DAB1: variants seen among roughly 807,000 people sequenced by gnomAD.
The protein encoded by DAB1 is disabled homolog 1.
A neutral mutation model predicts 64.6 loss-of-function variants in DAB1; 15 were observed. The observed-to-expected ratio is 0.23, with a 90% confidence interval of 0.16 to 0.36. DAB1 has a LOEUF of 0.36. DAB1 is among the 10% of genes least tolerant of loss of function. The pLI, the probability that DAB1 is intolerant of heterozygous loss-of-function variation, is 1.00. For synonymous variants in DAB1, 235 were observed against 251.9 expected (o/e 0.93, Z 0.64); for missense variants, 596 against 706.7 (o/e 0.84, Z 1.78).
intron 4 of DAB1, among the ~76,000 whole-genome samples, chr1:57,106,475 C>T (rs965835036): frequency 6.6e-6 from 1 of 152,132 alleles, no homozygotes; most frequent in Non-Finnish European, 1.5e-5. Context: ...AAGCATAACC[C>T]ATCTTTGATG....
chr1:58,515,166 C>A (rs1411203272), intron 2 of DAB1, among the ~76,000 whole-genome samples: 1 of 152,150 alleles, frequency 6.6e-6, no homozygotes, highest in Non-Finnish European at 1.5e-5. Context: ...CACTTATTCT[C>A]TAAACAACAT....
intron 7 of DAB1, among the ~76,000 whole-genome samples, chr1:57,477,345 G>A (rs1643951438): frequency 6.6e-6 from 1 of 152,126 alleles, no homozygotes; most frequent in African/African-American, 2.4e-5. Context: ...AGTGTACTCT[G>A]ATCTGTTCTA....
At chr1:57,695,377 A>AAAGAAAGGAAAG in intron 6 of DAB1, among the ~76,000 whole-genome samples, 1 of 67,032 alleles carries the variant, frequency 1.5e-5, no homozygotes, top group South Asian at 6.9e-4. Context: ...AGAAAGAAAG[A>AAAGAAAGGAAAG]AAGAAAGAAA....
intron 7 of DAB1, among the ~76,000 whole-genome samples, chr1:57,486,234 A>G (rs1443965073): frequency 6.6e-6 from 1 of 152,204 alleles, no homozygotes; most frequent in Non-Finnish European, 1.5e-5. Flanking sequence ...TGGGACATCG[A>G]TATTGCCCAA....
intron 9 of DAB1, among the ~76,000 whole-genome samples, chr1:57,060,807 C>T (rs1650310440): frequency 6.6e-6 from 1 of 151,390 alleles, no homozygotes; most frequent in East Asian, 1.9e-4. Context: ...GACCTTCAGG[C>T]AGCCCACCTG....
At chr1:57,518,328 C>T (rs1260159781) in intron 7 of DAB1, among the ~76,000 whole-genome samples, 10 of 152,106 alleles carry the variant, frequency 6.6e-5, no homozygotes, top group Non-Finnish European at 1.0e-4. Flanking sequence ...GGCTTTTGCA[C>T]GCCACTCCCT....
chr1:57,124,824 A>G (rs76846298), intron 4 of DAB1, among the ~76,000 whole-genome samples: 5,771 of 152,260 alleles, frequency 0.038, 143 homozygotes, highest in Non-Finnish European at 0.061. Context: ...AAATGGCTGC[A>G]TACTGCATCT....
chr1:57,010,645 T>G, intron 14 of DAB1, 35 bp downstream of exon 14: 1 of 1,177,956 alleles, frequency 8.5e-7, no homozygotes, highest in South Asian at 1.9e-5. Flanking sequence ...GCAGATAGCT[T>G]AAGGGTAAAG....
intron 1 of DAB1, among the ~76,000 whole-genome samples, chr1:57,341,490 T>A (rs574857464): frequency 1.2e-4 from 18 of 152,314 alleles, no homozygotes; most frequent in Middle Eastern, 3.4e-3. Context: ...CTAATTTAAA[T>A]AAGCAAAGGG....
At chr1:58,227,659 C>T (rs1418629640) in intron 4 of DAB1, among the ~76,000 whole-genome samples, 1 of 152,120 alleles carries the variant, frequency 6.6e-6, no homozygotes, top group Non-Finnish European at 1.5e-5. Flanking sequence ...AAGGAAAAGA[C>T]ACCATACATA....
chr1:57,695,392 GAAAGAAAGAAAGA>G (rs1646828176), intron 6 of DAB1, among the ~76,000 whole-genome samples: 34 of 79,872 alleles, frequency 4.3e-4, no homozygotes, highest in East Asian at 2.4e-3. Context: ...AAGAAAGAAA[GAAAGAAAGAAAGA>G]AAGAAAGAAA....
intron 14 of DAB1, among the ~76,000 whole-genome samples, chr1:57,006,271 C>A (rs1030666316): frequency 2.0e-5 from 3 of 152,190 alleles, no homozygotes; most frequent in African/African-American, 7.2e-5. Context: ...TTGTATCCAG[C>A]AGCCTACTGG....
At chr1:57,858,208 T>C (rs1375232563) in intron 1 of DAB1, among the ~76,000 whole-genome samples, 1 of 152,232 alleles carries the variant, frequency 6.6e-6, no homozygotes, top group Non-Finnish European at 1.5e-5. Flanking sequence ...GTATTTTTTT[T>C]AGAATCTAAG....
intron 5 of DAB1, among the ~76,000 whole-genome samples, chr1:58,043,171 A>T (rs1647165070): frequency 6.6e-6 from 1 of 152,218 alleles, no homozygotes; most frequent in Non-Finnish European, 1.5e-5. Context: ...TAGTAAGAAG[A>T]CAGATAAGAG....
At chr1:57,520,090 A>G (rs1214570527) in intron 7 of DAB1, among the ~76,000 whole-genome samples, 1 of 152,220 alleles carries the variant, frequency 6.6e-6, no homozygotes, top group Non-Finnish European at 1.5e-5. Context: ...CTGGAATCTC[A>G]GTTTCTTTGC....
At chr1:57,621,859 TAAC>T (rs1454414426) in intron 7 of DAB1, among the ~76,000 whole-genome samples, 3 of 152,220 alleles carry the variant, frequency 2.0e-5, no homozygotes, top group Admixed American at 1.3e-4. Flanking sequence ...TTTTTTGAAC[TAAC>T]CAGTTGCTTG....
chr1:58,091,816 C>CTAAT (rs1557646357), intron 5 of DAB1, among the ~76,000 whole-genome samples: 1 of 151,554 alleles, frequency 6.6e-6, no homozygotes, highest in South Asian at 2.1e-4. Flanking sequence ...GAGCTCAAAA[C>CTAAT]TAATTACTCC....
At chr1:58,013,264 A>G (rs1291457864) in intron 5 of DAB1, among the ~76,000 whole-genome samples, 3 of 152,208 alleles carry the variant, frequency 2.0e-5, no homozygotes, top group Non-Finnish European at 4.4e-5. Flanking sequence ...CCCTGCCATG[A>G]GAAGCAAATA....
At chr1:58,235,103 T>C (rs1198605416) in intron 4 of DAB1, among the ~76,000 whole-genome samples, 2 of 152,224 alleles carry the variant, frequency 1.3e-5, no homozygotes, top group East Asian at 3.9e-4. Flanking sequence ...CATCTTCATC[T>C]GTGTGATGGG....
Sources: allele counts gnomAD v4.1 joint callset (sites outside exome capture counted in the v4.1 genomes callset), GRCh38; gene constraint gnomAD v4.1.1; transcripts MANE v1.5; gene names NCBI Gene and HGNC (gene_info 2026-07-23, HGNC 2026-07-21).